Variants in PRKCD observed in about 807,000 individuals in gnomAD.
PRKCD encodes protein kinase C delta, also known as protein kinase C delta type.
A neutral mutation model predicts 82.2 loss-of-function variants in PRKCD; 20 were observed. The ratio of observed to expected loss-of-function variants is 0.24; its 90% CI spans 0.17 to 0.35. The LOEUF is 0.35. Among genes scored for constraint, PRKCD ranks in the 10% least tolerant of loss-of-function variants. PRKCD has a pLI of 1.00. For synonymous variants in PRKCD, 317 were observed against 337.0 expected, an observed-to-expected ratio of 0.94 and a Z score of 0.65; for missense variants, 607 against 899.0, an observed-to-expected ratio of 0.68 and a Z score of 4.15.
At chr3:53,190,871 T>A (rs1255236164) in intron 18 of PRKCD, among the ~76,000 whole-genome samples, 1 of 152,214 alleles carries the variant, frequency 6.6e-6, no homozygotes, top group Non-Finnish European at 1.5e-5. Flanking sequence ...AGCATGTAAC[T>A]GACAGGCTAG....
intron 4 of PRKCD, among the ~76,000 whole-genome samples, chr3:53,180,115 G>A (rs1703381993): frequency 6.6e-6 from 1 of 152,240 alleles, no homozygotes; most frequent in African/African-American, 2.4e-5. Flanking sequence ...CATAGCAGGT[G>A]CTAAAGACGG....
chr3:53,181,909 G>GA (rs782512593), intron 7 of PRKCD, 177 bp downstream of exon 7: 41 of 932,886 alleles, frequency 4.4e-5, no homozygotes, highest in Middle Eastern at 2.1e-4. Flanking sequence ...TGCTGCTCTG[G>GA]AAAACCAGTT....
intron 15 of PRKCD, among the ~76,000 whole-genome samples, 166 bp from the exon 16 acceptor site, chr3:53,188,554 C>T (rs1358477271): frequency 1.3e-5 from 2 of 152,170 alleles, no homozygotes; most frequent in Non-Finnish European, 2.9e-5. Flanking sequence ...CAAGAAGCAC[C>T]TGTTTTTAGG....
intron 2 of PRKCD, among the ~76,000 whole-genome samples, chr3:53,178,032 G>A (rs1162867749): frequency 6.9e-6 from 1 of 145,702 alleles, no homozygotes; most frequent in Middle Eastern, 3.5e-3. Context: ...TGCAACCTCC[G>A]CCTCCCGGGT....
Position 53,184,871 on chromosome 3 carries a change from C to T in PRKCD, c.788-3C>T, listed in dbSNP as rs782157692. On this transcript the variant is annotated splice_polypyrimidine_tract_variant and splice_region_variant and intron_variant, in intron 9 of 18. Coordinates refer to ENST00000330452, the MANE Select transcript of PRKCD (RefSeq NM_006254.4). ...TGACAGCCCCGCTTCTCCCTCACCC[C>T]AGACTGCGGCATGAATGTGCACCAT... is the stretch of plus-strand genomic sequence containing the variant. 1.5e-5 allele frequency: 24 copies of T among 1,613,716 alleles called. No homozygotes were observed. The highest frequency in any genetic ancestry group is 1.9e-5 in the Non-Finnish European group (23 of 1,179,726).
In PRKCD at chr3:53,184,904, G is replaced by A. The variant is rs377512214; in HGVS notation, c.818G>A (p.Arg273Gln). The A allele has an allele frequency of 7.4e-6, 12 of 1,613,852 alleles. No homozygotes were observed. The highest frequency in any genetic ancestry group is 1.7e-5 in the Admixed American group (1 of 59,982). The change falls in exon 10 of 19, where the codon CGG (arginine) becomes CAG (glutamine). Residue 273 changes from arginine to glutamine, a missense_variant. By Grantham distance (43) the Arg-to-Gln change is conservative (BLOSUM62 1). Around this residue, in one of 5 missense-constraint regions of PRKCD, gnomAD observed 109 missense variants for 155.6 expected, o/e 0.70. Coordinates refer to ENST00000330452, the MANE Select transcript of PRKCD (RefSeq NM_006254.4). ...DCGMNVHHKC[R>Q]EKVANLCGIN... ...GGCATGAATGTGCACCATAAATGCC[G>A]GGAGAAGGTGGCCAACCTCTGCGGC...
chr3:53,163,470 C>T (rs1465312967), intron 1 of PRKCD, among the ~76,000 whole-genome samples: 1 of 151,864 alleles, frequency 6.6e-6, no homozygotes, highest in African/African-American at 2.4e-5. Context: ...AGTGTTGTGA[C>T]CAAGACCTCG....
intron 4 of PRKCD, among the ~76,000 whole-genome samples, chr3:53,180,736 A>G (rs1553667231): frequency 6.6e-6 from 1 of 152,144 alleles, no homozygotes; most frequent in Non-Finnish European, 1.5e-5. Context: ...GTGAGGGGAT[A>G]GAGGCTCAGG....
chr3:53,191,420 T>C (rs1452707871), intron 18 of PRKCD, among the ~76,000 whole-genome samples: 1 of 148,894 alleles, frequency 6.7e-6, no homozygotes, highest in East Asian at 1.9e-4. Flanking sequence ...AATGAATAAA[T>C]AAATAAAAAT....
At chr3:53,179,873 CAGTG>C (rs2107258325) in intron 4 of PRKCD, 97 bp downstream of exon 4, 1 of 1,443,308 alleles carries the variant, frequency 6.9e-7, no homozygotes, top group East Asian at 2.5e-5. Flanking sequence ...CGGGCTTGGT[CAGTG>C]AGCACAGCTG....
intron 15 of PRKCD, 128 bp from the exon 16 acceptor site, chr3:53,188,592 T>C: frequency 1.6e-6 from 2 of 1,241,596 alleles, no homozygotes; most frequent in South Asian, 3.0e-5. Flanking sequence ...CTTCCTTTTC[T>C]GTTTCTCATT....
At chr3:53,178,689 G>T (rs1703309797) in intron 3 of PRKCD, 152 bp downstream of exon 3, 1 of 676,072 alleles carries the variant, frequency 1.5e-6, no homozygotes, top group Non-Finnish European at 2.4e-6. Flanking sequence ...TGAAGGCAGA[G>T]GCCACTGAGT....
intron 14 of PRKCD, 93 bp from the exon 15 acceptor site, chr3:53,187,247 T>G: frequency 7.3e-7 from 1 of 1,372,306 alleles, no homozygotes; most frequent in Non-Finnish European, 1.0e-6. Context: ...TTTGCAGCAT[T>G]TCTTGCTCCT....
chr3:53,181,380 G>A (rs1703434211), intron 5 of PRKCD, 64 bp from the exon 6 acceptor site: 1 of 1,610,352 alleles, frequency 6.2e-7, no homozygotes. Flanking sequence ...CACCCTGGGA[G>A]GGACTGTAGG....
chr3:53,174,129 C>T (rs186252177), intron 2 of PRKCD, among the ~76,000 whole-genome samples: 7 of 152,314 alleles, frequency 4.6e-5, no homozygotes, highest in Admixed American at 3.3e-4. Flanking sequence ...CTTCTGGATC[C>T]GCATAGGGAT....
chr3:53,189,718 G>T (rs1703853457), intron 17 of PRKCD, among the ~76,000 whole-genome samples, 155 bp from the exon 18 acceptor site: 1 of 152,184 alleles, frequency 6.6e-6, no homozygotes, highest in South Asian at 2.1e-4. Context: ...TGGGAGCACT[G>T]CAGGCCAGAG....
chr3:53,165,240 A>G (rs563100982), intron 2 of PRKCD, 25 bp downstream of exon 2: 2 of 152,516 alleles, frequency 1.3e-5, no homozygotes, highest in South Asian at 4.1e-4. Flanking sequence ...TCTTAGGCAG[A>G]TGGATGGTGC....
chr3:53,188,667 T>A, intron 15 of PRKCD, 53 bp from the exon 16 acceptor site: 1 of 1,605,502 alleles, frequency 6.2e-7, no homozygotes, highest in Non-Finnish European at 8.5e-7. Flanking sequence ...GGGGGCAGGG[T>A]TGGAAGGAGA....
At chr3:53,188,187 C>CAAATAAAAAAAA (rs1703781693) in intron 15 of PRKCD, among the ~76,000 whole-genome samples, 1 of 45,572 alleles carries the variant, frequency 2.2e-5, no homozygotes, top group African/African-American at 7.3e-5. Flanking sequence ...GACTGTGTCT[C>CAAATAAAAAAAA]AAAAAAAAAA....
Sources: allele counts gnomAD v4.1 joint callset (sites outside exome capture counted in the v4.1 genomes callset), GRCh38; gene constraint gnomAD v4.1.1; regional missense constraint gnomAD v4.1.1; transcripts MANE v1.5; gene names NCBI Gene and HGNC (gene_info 2026-07-23, HGNC 2026-07-21).